Variants in CUX2 observed in about 807,000 individuals in gnomAD.
CUX2 encodes the protein homeobox protein cut-like 2.
Under a neutral mutation model 144.8 loss-of-function variants are expected in CUX2, and 40 were observed. The observed-to-expected ratio is 0.28, with a 90% CI of 0.21 to 0.36. CUX2 has a LOEUF of 0.36. Ranked by LOEUF, CUX2 falls within the 10% of genes least tolerant of loss-of-function variation. The pLI is 1.00. For synonymous variants in CUX2, 827 were observed against 875.6 expected (o/e 0.94, Z 0.98); for missense variants, 1,615 against 1,994.0 (o/e 0.81, Z 3.62).
chr12:111,173,937 C>T (rs573453502), intron 1 of CUX2, among the ~76,000 whole-genome samples: 10 of 152,224 alleles, frequency 6.6e-5, no homozygotes, highest in East Asian at 1.9e-4. Context: ...ATTCAGGTAG[C>T]GGAAACTGCA....
rs910763540 is a variant in CUX2, at chr12:111,289,909, C to T, written c.302-1509C>T. On this transcript the variant is annotated intron_variant, in intron 4 of 21. Transcript: ENST00000261726. The surrounding 1 kb of genome is among the most constrained non-coding windows in gnomAD (Gnocchi z 4.1). ...GCAGCTGCCTGGGAGCATCTAGACC[C>T]CCACATAGCCTACAGAAGTGCTGGC... is the stretch of plus-strand genomic sequence containing the variant. 6.6e-6 allele frequency among the ~76,000 whole-genome samples: 1 copy of T among 152,138 alleles called. No individual in the cohort carries two copies. The highest frequency in any genetic ancestry group is 1.5e-5 in the Non-Finnish European group (1 of 68,032).
chr12:111,100,035 T>C (rs1282672256), intron 1 of CUX2: 4 of 457,050 alleles, frequency 8.8e-6, no homozygotes, highest in Middle Eastern at 6.5e-4. Context: ...GTGGTGCTGC[T>C]GACGGGCCCT....
intron 1 of CUX2, among the ~76,000 whole-genome samples, chr12:111,126,524 C>A (rs1247674033): frequency 6.6e-6 from 1 of 152,200 alleles, no homozygotes; most frequent in Non-Finnish European, 1.5e-5. Flanking sequence ...CAGGAAAAGA[C>A]TGCTGTCCTG....
At chr12:111,118,482 T>G (rs573351334) in intron 1 of CUX2, among the ~76,000 whole-genome samples, 1 of 152,150 alleles carries the variant, frequency 6.6e-6, no homozygotes, top group Non-Finnish European at 1.5e-5. Context: ...GCATTACCAG[T>G]CAGGGCTTTT....
chr12:111,278,186 G>A (rs908869337), intron 4 of CUX2, among the ~76,000 whole-genome samples: 6 of 152,206 alleles, frequency 3.9e-5, no homozygotes, highest in African/African-American at 1.2e-4. Flanking sequence ...GGAGGCTGAG[G>A]TGGGAGGATC....
intron 1 of CUX2, among the ~76,000 whole-genome samples, chr12:111,195,702 C>G (rs1880195923): frequency 6.6e-6 from 1 of 152,124 alleles, no homozygotes; most frequent in African/African-American, 2.4e-5. Context: ...GACACAGAGC[C>G]CAACACTAAG....
Position 111,263,694 on chromosome 12 carries a change from G to T in CUX2, c.223-67G>T. Reference sequence around the variant, plus strand: ...ATGTTTTCTTGTGGAAAAAAAAAATGATGAAATTTGCTTGCAGACACAGAT... The same window carrying T: ...ATGTTTTCTTGTGGAAAAAAAAAATTATGAAATTTGCTTGCAGACACAGAT... On this transcript the variant is annotated intron_variant, in intron 3 of 21. Transcript: ENST00000261726. This position sits in a 1 kb window ranked among gnomAD's most constrained non-coding sequence, Gnocchi z 4.0. The T allele has an allele frequency of 8.3e-7, 1 of 1,206,162 alleles. No homozygotes were observed. Among genetic ancestry groups the T allele is most frequent in the Non-Finnish European group, 1.2e-6 (1 of 828,952 alleles). 74.7% of individuals were successfully genotyped at this position (1,206,162 alleles called of 1,614,324 possible).
chr12:111,248,579 G>C (rs532030424), intron 3 of CUX2, among the ~76,000 whole-genome samples: 2 of 152,158 alleles, frequency 1.3e-5, no homozygotes, highest in Non-Finnish European at 2.9e-5. Context: ...CCTTCAGGGT[G>C]GGGGAGGGGC....
chr12:111,228,638 G>A (rs1882303085), intron 3 of CUX2, among the ~76,000 whole-genome samples: 1 of 152,040 alleles, frequency 6.6e-6, no homozygotes, highest in South Asian at 2.1e-4. Flanking sequence ...TGACCAGGCT[G>A]GTCTCGAACT....
intron 1 of CUX2, among the ~76,000 whole-genome samples, chr12:111,054,905 G>T (rs1474420991): frequency 1.3e-5 from 2 of 152,152 alleles, no homozygotes; most frequent in Non-Finnish European, 2.9e-5. Flanking sequence ...GGGATTACAG[G>T]CATGAGCCAC....
At chr12:111,237,132 G>A (rs115191236) in intron 3 of CUX2, among the ~76,000 whole-genome samples, 1,922 of 152,256 alleles carry the variant, frequency 0.013, 41 homozygotes, top group African/African-American at 0.043. Context: ...CCGGGTGACA[G>A]AGCAAAACCC....
chr12:111,217,088 C>A (rs1257848315), intron 2 of CUX2, among the ~76,000 whole-genome samples: 1 of 152,122 alleles, frequency 6.6e-6, no homozygotes, highest in Non-Finnish European at 1.5e-5. Context: ...TTCCCTCTTA[C>A]GTGCCGGGGA....
intron 3 of CUX2, among the ~76,000 whole-genome samples, chr12:111,252,291 C>T (rs1883598763): frequency 6.6e-6 from 1 of 152,230 alleles, no homozygotes; most frequent in African/African-American, 2.4e-5. Context: ...AGCACCTTCA[C>T]TTTACAGATG....
At chr12:111,150,295 T>G (rs1001888231) in intron 1 of CUX2, among the ~76,000 whole-genome samples, 3 of 152,124 alleles carry the variant, frequency 2.0e-5, no homozygotes, top group Non-Finnish European at 4.4e-5. Context: ...AAAATTTTTT[T>G]AACCTTCCTC....
In CUX2 at chr12:111,349,561, A is replaced by T. The variant is rs1180487018; in HGVS notation, c.*1236A>T. 6.6e-6 allele frequency: 1 copy of T among 152,380 alleles called. No individual in the cohort carries two copies. Among genetic ancestry groups the T allele is most frequent in the Middle Eastern group, 3.4e-3 (1 of 294 alleles). 9.4% of individuals were successfully genotyped at this position (152,380 alleles called of 1,614,324 possible). A position where few individuals can be genotyped will look rare whatever the true frequency, so the allele number is the denominator to read the frequency against. ...TGCAGAACTCTGGAAGGCCAAGTTC[A>T]TCGCAGCATGTTCACCATATCCCAG... On this transcript the variant is annotated 3_prime_UTR_variant, in exon 22 of 22. Coordinates refer to ENST00000261726, the MANE Select transcript of CUX2 (RefSeq NM_015267.4).
Position 111,263,974 on chromosome 12 carries a change from G to A in CUX2, c.301+135G>A, listed in dbSNP as rs954145750. 10 of 766,132 alleles carry A rather than the reference G, an allele frequency of 1.3e-5. No individual in the cohort carries two copies. The highest frequency in any genetic ancestry group is 2.0e-5 in the Non-Finnish European group (9 of 450,584). 47.5% of individuals were successfully genotyped at this position (766,132 alleles called of 1,614,324 possible). On this transcript the variant is annotated intron_variant, in intron 4 of 21. Transcript: ENST00000261726. This position sits in a 1 kb window ranked among gnomAD's most constrained non-coding sequence, Gnocchi z 4.0. ...GGTGAGGCCAGGCACTCTGTATAGG[G>A]CAGGGGGAGCTGTGGCCAGTCTGGT...
At chr12:111,152,899 C>G (rs1288318232) in intron 1 of CUX2, among the ~76,000 whole-genome samples, 2 of 152,122 alleles carry the variant, frequency 1.3e-5, no homozygotes, top group Non-Finnish European at 2.9e-5. Context: ...AAAGAAGGCA[C>G]CTTCTGGGAA....
chr12:111,070,717 C>A (rs59552264), intron 1 of CUX2, among the ~76,000 whole-genome samples: 11,060 of 152,078 alleles, frequency 0.073, 1,333 homozygotes, highest in African/African-American at 0.25. Flanking sequence ...AGTATCATAC[C>A]TAGGATTTTT....
Position 111,347,446 on chromosome 12 carries a change from A to C in CUX2, c.3660-78A>C, listed in dbSNP as rs1888852045. 8 of 1,405,962 alleles carry C rather than the reference A, an allele frequency of 5.7e-6. No individual in the cohort carries two copies. In the East Asian group the frequency reaches 1.4e-4, roughly 24 times the overall value. 87.1% of individuals were successfully genotyped at this position (1,405,962 alleles called of 1,614,324 possible). A position where few individuals can be genotyped will look rare whatever the true frequency, so the allele number is the denominator to read the frequency against. On this transcript the variant is annotated intron_variant, in intron 21 of 21. Transcript: ENST00000261726. ...GCCCCAGGGCAGTGGGTGGGACCAA[A>C]ATGCCATGTATGCAGATGGAGTCCA...
Sources: gnomAD v4.1 joint callset for allele counts (sites outside exome capture counted in the v4.1 genomes callset) on GRCh38, gnomAD v4.1.1 for gene constraint, Gnocchi (gnomAD v3.1) non-coding constraint, MANE v1.5 for transcripts, NCBI Gene and HGNC (gene_info 2026-07-23, HGNC 2026-07-21) for gene names.